The following BTRC variants were observed in gnomAD, a reference collection of about 807,000 sequenced individuals.
The protein encoded by BTRC is F-box/WD repeat-containing protein 1A.
BTRC carries 42 observed loss-of-function variants against 85.5 expected under a neutral mutation model. The observed-to-expected ratio is 0.49, with a 90% CI of 0.38 to 0.64. The LOEUF (loss-of-function observed/expected upper bound fraction) is 0.64. Among genes scored for constraint, BTRC ranks in the 30% least tolerant of loss-of-function variants. The pLI, the probability that BTRC is intolerant of heterozygous loss-of-function variation, is 0.00. For missense variants in BTRC, 594 were observed against 743.5 expected (o/e 0.80, Z 2.34); for synonymous variants, 255 against 263.3 (o/e 0.97, Z 0.30).
At chr10:101,552,413 G>A (rs960737930) in intron 14 of BTRC, among the ~76,000 whole-genome samples, 4 of 145,754 alleles carry the variant, frequency 2.7e-5, no homozygotes, top group Admixed American at 7.1e-5. Context: ...GGCTGGTCTC[G>A]AACTCCTGAG....
chr10:101,527,625 A>AT (rs1475414781), intron 6 of BTRC, among the ~76,000 whole-genome samples: 1 of 152,156 alleles, frequency 6.6e-6, no homozygotes, highest in Non-Finnish European at 1.5e-5. Flanking sequence ...CTGGTGGCGC[A>AT]TGCCTGTAAT....
In BTRC at chr10:101,557,161, AC is replaced by A. The variant is rs1475558931; in HGVS notation, c.*4039del. The A allele has an allele frequency of 1.3e-5, 2 of 152,174 alleles. No homozygotes were observed. Among genetic ancestry groups the A allele is most frequent in the African/African-American group, 4.8e-5 (2 of 41,436 alleles). 9.4% of individuals were successfully genotyped at this position (152,174 alleles called of 1,614,324 possible). Reference sequence around the variant, plus strand: ...CTCTTTGTTCTCTAGACTCTTAAGTACTGACTGCTTTGACTTTTGTGATTAT... The same window carrying A: ...CTCTTTGTTCTCTAGACTCTTAAGTATGACTGCTTTGACTTTTGTGATTAT... On this transcript the variant is annotated 3_prime_UTR_variant, in exon 15 of 15. Transcript: ENST00000370187.
intron 13 of BTRC, among the ~76,000 whole-genome samples, chr10:101,550,234 A>G (rs774234270): frequency 6.6e-6 from 1 of 151,918 alleles, no homozygotes; most frequent in South Asian, 2.1e-4. Flanking sequence ...TGACTTTTCC[A>G]TGCTGCCTTT....
At chr10:101,520,000 CA>C (rs938340131) in intron 4 of BTRC, among the ~76,000 whole-genome samples, 17 of 152,020 alleles carry the variant, frequency 1.1e-4, no homozygotes, top group Admixed American at 9.2e-4. Context: ...TGTCTCAAAA[CA>C]AACAAACAAA....
intron 3 of BTRC, among the ~76,000 whole-genome samples, chr10:101,467,036 A>AAT (rs2134185726): frequency 6.6e-6 from 1 of 152,310 alleles, no homozygotes; most frequent in South Asian, 2.1e-4. Context: ...GTGTGTATTA[A>AAT]CAAAACAACC....
In BTRC at chr10:101,368,692, T is replaced by C. The variant is rs184096829; in HGVS notation, c.48+14464T>C. On this transcript the variant is annotated intron_variant, in intron 1 of 14. Transcript: ENST00000370187. ...CTTTAGCAGTGTATGGGAGTCCCAG[T>C]TGCTGAACATTCTTGCAGTGCTCAC... 1.4e-3 allele frequency among the ~76,000 whole-genome samples: 220 copies of C among 152,224 alleles called. 3 individuals are homozygous for C. The highest frequency in any genetic ancestry group is 4.3e-4 in the Non-Finnish European group (29 of 68,008).
intron 4 of BTRC, among the ~76,000 whole-genome samples, chr10:101,507,400 G>C (rs907736639): frequency 1.3e-5 from 2 of 152,178 alleles, no homozygotes; most frequent in African/African-American, 4.8e-5. Context: ...AGCAGCCATC[G>C]ATCAAGTTCA....
At chr10:101,512,639 G>A (rs1331778270) in intron 4 of BTRC, among the ~76,000 whole-genome samples, 1 of 152,182 alleles carries the variant, frequency 6.6e-6, no homozygotes, top group Non-Finnish European at 1.5e-5. Flanking sequence ...GTCTGCAAGT[G>A]TCTATTTTTC....
intron 4 of BTRC, among the ~76,000 whole-genome samples, chr10:101,499,025 G>A (rs1946336655): frequency 6.6e-6 from 1 of 151,796 alleles, no homozygotes; most frequent in East Asian, 1.9e-4. Context: ...AATAATAATA[G>A]CCACCTTTAG....
rs1016181652 is a variant in BTRC, at chr10:101,556,543, G to A, written c.*3420G>A. The A allele has an allele frequency of 1.6e-4, 24 of 152,208 alleles. No homozygotes were observed. The highest frequency in any genetic ancestry group is 7.9e-4 in the Admixed American group (12 of 15,286). 9.4% of individuals were successfully genotyped at this position (152,208 alleles called of 1,614,324 possible). ...GGAGGCTTAGGGTGCAGCCTCCCTGGTCTTCCTCCACACAGTTGTTCACCA... is the reference window on the plus strand; with the variant it reads ...GGAGGCTTAGGGTGCAGCCTCCCTGATCTTCCTCCACACAGTTGTTCACCA... On this transcript the variant is annotated 3_prime_UTR_variant, in exon 15 of 15. Coordinates refer to ENST00000370187, the MANE Select transcript of BTRC (RefSeq NM_033637.4).
At chr10:101,437,011 A>G (rs995681096) in intron 2 of BTRC, among the ~76,000 whole-genome samples, 1 of 152,222 alleles carries the variant, frequency 6.6e-6, no homozygotes, top group Non-Finnish European at 1.5e-5. Context: ...ATTACAAAAC[A>G]ATACCATAAG....
chr10:101,506,308 A>T (rs909659177), intron 4 of BTRC, among the ~76,000 whole-genome samples: 1 of 152,222 alleles, frequency 6.6e-6, no homozygotes, highest in Non-Finnish European at 1.5e-5. Flanking sequence ...CTATTGTAGC[A>T]CATGGTGAAT....
chr10:101,471,883 A>C (rs1461046076), intron 3 of BTRC, among the ~76,000 whole-genome samples: 3 of 152,196 alleles, frequency 2.0e-5, no homozygotes, highest in Admixed American at 6.5e-5. Flanking sequence ...AACAGATTAT[A>C]ATATGTTAAT....
At chr10:101,477,343 T>C (rs1945716785) in intron 3 of BTRC, among the ~76,000 whole-genome samples, 2 of 152,034 alleles carry the variant, frequency 1.3e-5, no homozygotes, top group African/African-American at 4.8e-5. Flanking sequence ...ATGATTCTGA[T>C]GCGCACTAAA....
At chr10:101,507,918 T>C (rs1266446045) in intron 4 of BTRC, among the ~76,000 whole-genome samples, 1 of 152,108 alleles carries the variant, frequency 6.6e-6, no homozygotes, top group African/African-American at 2.4e-5. Flanking sequence ...TTACCAGCCT[T>C]GGAGGTGTGT....
At chr10:101,434,254 T>A (rs1359348890) in intron 2 of BTRC, among the ~76,000 whole-genome samples, 1 of 152,224 alleles carries the variant, frequency 6.6e-6, no homozygotes, top group Non-Finnish European at 1.5e-5. Flanking sequence ...TTTCAGGTAG[T>A]TGCAGTTTCT....
chr10:101,430,039 C>T (rs905240914), intron 1 of BTRC, among the ~76,000 whole-genome samples: 2 of 152,108 alleles, frequency 1.3e-5, no homozygotes, highest in African/African-American at 2.4e-5. Context: ...AATTGATCAA[C>T]TGGATTAAGA....
chr10:101,536,911 T>C (rs2062395455), intron 12 of BTRC, among the ~76,000 whole-genome samples: 1 of 152,228 alleles, frequency 6.6e-6, no homozygotes, highest in Non-Finnish European at 1.5e-5. Flanking sequence ...TGTATTTGAC[T>C]GTTTTGCCCT....
chr10:101,464,544 C>T (rs1405547898), intron 3 of BTRC, among the ~76,000 whole-genome samples: 3 of 135,932 alleles, frequency 2.2e-5, no homozygotes, highest in Non-Finnish European at 4.7e-5. Flanking sequence ...CCCCCCCACC[C>T]CCCCCATGGT....
Sources: allele counts gnomAD v4.1 joint callset (sites outside exome capture counted in the v4.1 genomes callset), GRCh38; gene constraint gnomAD v4.1.1; transcripts MANE v1.5; gene names NCBI Gene and HGNC (gene_info 2026-07-23, HGNC 2026-07-21).